Variants in GUCY1A2 observed in about 807,000 individuals in gnomAD.
The protein encoded by GUCY1A2 is guanylate cyclase 1 soluble subunit alpha 2.
GUCY1A2 carries 27 observed loss-of-function variants against 63.5 expected under a neutral mutation model. The observed-to-expected ratio is 0.43, with a 90% confidence interval of 0.31 to 0.59. The LOEUF is 0.59. GUCY1A2 is among the 20% of genes least tolerant of loss of function. GUCY1A2 has a pLI of 0.11. For missense variants in GUCY1A2, 768 were observed against 913.3 expected (o/e 0.84, Z 2.05); for synonymous variants, 364 against 343.5 (o/e 1.06, Z -0.66).
At chr11:106,950,213 G>A (rs1860887126) in intron 3 of GUCY1A2, among the ~76,000 whole-genome samples, 1 of 152,204 alleles carries the variant, frequency 6.6e-6, no homozygotes, top group South Asian at 2.1e-4. Context: ...GCCTTCTCAG[G>A]CCACTGTGCT....
intron 6 of GUCY1A2, among the ~76,000 whole-genome samples, chr11:106,766,737 T>A (rs1222058591): frequency 6.6e-6 from 1 of 152,088 alleles, no homozygotes; most frequent in African/African-American, 2.4e-5. Flanking sequence ...TATTTTCATA[T>A]CATTTTTCAT....
In GUCY1A2 at chr11:106,690,677, C is replaced by G. The variant is rs146657277; in HGVS notation, c.1992-2921G>C. Among the ~76,000 whole-genome samples, 610 of 152,264 alleles carry G rather than the reference C, an allele frequency of 4.0e-3. 6 individuals are homozygous for G. The highest frequency in any genetic ancestry group is 0.014 in the African/African-American group (592 of 41,542). ...AGTATGTATATACATTTGTATGTAA[C>G]AAACCTGTGCTTGTACCCCTGAACT... On this transcript the variant is annotated intron_variant, in intron 7 of 7. Transcript: ENST00000526355.
intron 7 of GUCY1A2, among the ~76,000 whole-genome samples, chr11:106,697,660 T>C: frequency 6.6e-6 from 1 of 152,124 alleles, no homozygotes; most frequent in East Asian, 1.9e-4. Flanking sequence ...TTTAAAACGA[T>C]ATAGAGGCTT....
chr11:106,937,678 TC>T (rs1860697982), intron 4 of GUCY1A2, among the ~76,000 whole-genome samples: 1 of 152,188 alleles, frequency 6.6e-6, no homozygotes, highest in Non-Finnish European at 1.5e-5. Flanking sequence ...ACAAGTTTCT[TC>T]CATTCTAAAG....
chr11:107,017,461 G>A (rs1861839041), intron 1 of GUCY1A2, among the ~76,000 whole-genome samples: 1 of 152,194 alleles, frequency 6.6e-6, no homozygotes, highest in African/African-American at 2.4e-5. Context: ...CTGTCCAGGG[G>A]GAACAGTGGT....
intron 5 of GUCY1A2, among the ~76,000 whole-genome samples, chr11:106,782,028 A>G (rs1263679115): frequency 6.6e-6 from 1 of 152,232 alleles, no homozygotes; most frequent in African/African-American, 2.4e-5. Context: ...GATGGAAGAA[A>G]GAAGTCGGGG....
intron 4 of GUCY1A2, among the ~76,000 whole-genome samples, chr11:106,862,496 A>C (rs1859527229): frequency 2.0e-5 from 3 of 147,542 alleles, no homozygotes; most frequent in South Asian, 4.3e-4. Flanking sequence ...AACAAACAAC[A>C]AACAAAAAAA....
chr11:106,827,666 T>C, intron 4 of GUCY1A2: 1 of 1,546,742 alleles, frequency 6.5e-7, no homozygotes, highest in Non-Finnish European at 8.9e-7. Context: ...TGGGAAAGCG[T>C]TTTTCTAACA....
chr11:106,860,063 A>G (rs1382321840), intron 4 of GUCY1A2, among the ~76,000 whole-genome samples: 1 of 151,984 alleles, frequency 6.6e-6, no homozygotes, highest in Admixed American at 6.6e-5. Context: ...TAATATGTGT[A>G]AAGTGCTTTT....
chr11:106,995,035 T>C (rs1861517378), intron 1 of GUCY1A2, among the ~76,000 whole-genome samples: 1 of 152,222 alleles, frequency 6.6e-6, no homozygotes. Context: ...GCACTGCTCC[T>C]AGACATTTTC....
chr11:106,896,686 C>T (rs1860054193), intron 4 of GUCY1A2, among the ~76,000 whole-genome samples: 1 of 152,182 alleles, frequency 6.6e-6, no homozygotes, highest in African/African-American at 2.4e-5. Context: ...CATGAGGATG[C>T]AGCATTCTTC....
chr11:106,866,258 A>G (rs1303945174), intron 4 of GUCY1A2, among the ~76,000 whole-genome samples: 1 of 151,882 alleles, frequency 6.6e-6, no homozygotes, highest in Non-Finnish European at 1.5e-5. Context: ...AAAAAAAATG[A>G]AAGAAGGAAG....
At chr11:106,911,151 T>C (rs1860288410) in intron 4 of GUCY1A2, among the ~76,000 whole-genome samples, 1 of 151,928 alleles carries the variant, frequency 6.6e-6, no homozygotes, top group African/African-American at 2.4e-5. Flanking sequence ...ATGGGTAACA[T>C]ACTGAATACA....
At chr11:106,764,437 T>C (rs1864122762) in intron 6 of GUCY1A2, among the ~76,000 whole-genome samples, 1 of 152,106 alleles carries the variant, frequency 6.6e-6, no homozygotes, top group South Asian at 2.1e-4. Flanking sequence ...TCTTACTTAG[T>C]AATATTATTT....
chr11:106,997,616 AACCCCCCCCCCCC>A (rs1861556357), intron 1 of GUCY1A2, among the ~76,000 whole-genome samples: 4 of 19,472 alleles, frequency 2.1e-4, no homozygotes, highest in Non-Finnish European at 6.2e-4. Flanking sequence ...CAAGATAGGG[AACCCCCCCCCCCC>A]ACCCGAGCAA....
intron 1 of GUCY1A2, among the ~76,000 whole-genome samples, chr11:107,014,028 T>C (rs1284613822): frequency 6.6e-6 from 1 of 150,498 alleles, no homozygotes; most frequent in African/African-American, 2.4e-5. Flanking sequence ...TCTTAAAAAG[T>C]AAACTACTTT....
intron 5 of GUCY1A2, among the ~76,000 whole-genome samples, chr11:106,792,846 A>C (rs1295717387): frequency 5.3e-5 from 8 of 152,234 alleles, no homozygotes. Context: ...TGATGTGTAC[A>C]TTGAAAACTA....
chr11:106,727,098 A>C (rs1030532636), intron 6 of GUCY1A2, among the ~76,000 whole-genome samples: 5 of 152,238 alleles, frequency 3.3e-5, no homozygotes, highest in Admixed American at 3.3e-4. Context: ...AAAACTAGGA[A>C]GCAAGAGATG....
chr11:106,699,539 T>C (rs927465785), intron 7 of GUCY1A2, among the ~76,000 whole-genome samples: 9 of 152,268 alleles, frequency 5.9e-5, no homozygotes, highest in South Asian at 4.1e-4. Flanking sequence ...AAATAGGAAT[T>C]ATCGACATGA....
Sources: allele counts gnomAD v4.1 joint callset (sites outside exome capture counted in the v4.1 genomes callset), GRCh38; gene constraint gnomAD v4.1.1; transcripts MANE v1.5; gene names NCBI Gene and HGNC (gene_info 2026-07-23, HGNC 2026-07-21).